Variants in MYL4 observed in about 807,000 individuals in gnomAD.
MYL4 encodes the protein myosin light chain 4.
In MYL4, 16 loss-of-function variants were observed where a neutral mutation model predicts 21.6. The observed-to-expected ratio is 0.74, with a 90% CI of 0.50 to 1.12. The LOEUF is 1.12. Among genes scored for constraint, MYL4 ranks in the 50% most tolerant of loss-of-function variants. MYL4 has a pLI of 0.00. For missense variants in MYL4, 249 were observed against 252.9 expected, an observed-to-expected ratio of 0.98 and a Z score of 0.11; for synonymous variants, 82 against 95.7, an observed-to-expected ratio of 0.86 and a Z score of 0.83.
At chr17:47,221,651 A>T in intron 3 of MYL4, 31 bp from the exon 4 acceptor site, 1 of 1,595,644 alleles carries the variant, frequency 6.3e-7, no homozygotes, top group East Asian at 2.2e-5. Flanking sequence ...GCTCACATTG[A>T]TTTCTCTTTC....
intron 2 of MYL4, 33 bp downstream of exon 2, chr17:47,213,859 A>G: frequency 6.2e-7 from 1 of 1,610,726 alleles, no homozygotes; most frequent in Non-Finnish European, 8.5e-7. Context: ...CTCCGTCTCT[A>G]TTGCACTTTC....
In MYL4 at chr17:47,209,401, C is replaced by T; in HGVS notation, c.-22C>T. 6.2e-7 allele frequency: 1 copy of T among 1,614,164 alleles called. No homozygotes were observed. The highest frequency in any genetic ancestry group is 1.1e-5 in the South Asian group (1 of 91,086). On this transcript the variant is annotated 5_prime_UTR_variant, in exon 1 of 7. Transcript: ENST00000393450. ...GGTTTCTTCTTAGATCACTCCTCTG[C>T]CAAAGATCCCAACAAGACAACATGG... is the stretch of plus-strand genomic sequence containing the variant.
upstream of MYL4, among the ~76,000 whole-genome samples, chr17:47,198,048 G>A (rs1339470726): frequency 2.6e-5 from 4 of 152,154 alleles, no homozygotes; most frequent in Non-Finnish European, 5.9e-5. Flanking sequence ...CATGAGACCA[G>A]AATTTGAAAA....
intron 2 of MYL4, among the ~76,000 whole-genome samples, chr17:47,219,027 A>G (rs1476874329): frequency 6.6e-6 from 1 of 152,148 alleles, no homozygotes; most frequent in African/African-American, 2.4e-5. Flanking sequence ...TTGTGATCCC[A>G]CCTGCAACCC....
rs957196759 is a variant in MYL4, at chr17:47,209,445, C to T, written c.23C>T (p.Pro8Leu). MAPKKPEPKKEAAKPAPA... is the reference protein window; with the variant it reads MAPKKPELKKEAAKPAPA... ...AACATGGCTCCCAAGAAGCCTGAGC[C>T]TAAGAAGGAGGCAGCCAAGCCAGCT... is the stretch of plus-strand genomic sequence containing the variant. The change falls in exon 1 of 7, where the codon CCT becomes CTT. Residue 8 changes from proline to leucine, a missense_variant. By Grantham distance (98) the Pro-to-Leu change is moderately conservative. Coordinates refer to ENST00000393450, the MANE Select transcript of MYL4 (RefSeq NM_002476.2). 8.7e-6 allele frequency: 14 copies of T among 1,614,082 alleles called. No individual in the cohort carries two copies. The highest frequency in any genetic ancestry group is 1.2e-5 in the Non-Finnish European group (14 of 1,180,038).
intron 1 of MYL4, among the ~76,000 whole-genome samples, chr17:47,202,699 A>G (rs1274715573): frequency 6.6e-6 from 1 of 150,826 alleles, no homozygotes; most frequent in Admixed American, 6.6e-5. Context: ...TGAAAAAGCA[A>G]CTCTAAATTT....
chr17:47,224,855 G>T (rs968231180), downstream of MYL4, among the ~76,000 whole-genome samples: 3 of 152,080 alleles, frequency 2.0e-5, no homozygotes, highest in Non-Finnish European at 4.4e-5. Context: ...AAAGAGTCAG[G>T]GTCAGAGGTC....
At chr17:47,201,219 G>A (rs1179409405) in intron 1 of MYL4, among the ~76,000 whole-genome samples, 1 of 152,064 alleles carries the variant, frequency 6.6e-6, no homozygotes, top group Non-Finnish European at 1.5e-5. Context: ...GTTTTACTGT[G>A]GTCCTTGAAC....
intron 2 of MYL4, among the ~76,000 whole-genome samples, chr17:47,217,319 G>A (rs991765704): frequency 2.2e-4 from 33 of 152,150 alleles, no homozygotes; most frequent in African/African-American, 7.7e-4. Context: ...TTAGCTGGGG[G>A]TGGTGGCACG....
the MYL4 span, among the ~76,000 whole-genome samples, chr17:47,189,826 A>G: frequency 6.6e-6 from 1 of 152,258 alleles, no homozygotes; most frequent in Non-Finnish European, 1.5e-5. Flanking sequence ...CCCCAAAGAC[A>G]TAGGATAGCT....
rs142779990 is a variant in MYL4, at chr17:47,221,278, G to A, written c.314-404G>A. 3.0e-3 allele frequency among the ~76,000 whole-genome samples: 464 copies of A among 152,270 alleles called. 1 individual carries two copies. The highest frequency in any genetic ancestry group is 4.9e-3 in the Non-Finnish European group (332 of 68,018). ...TTTTCAATCCTGTTGGTTTGCCCCT[G>A]TGATTATAGGTCTGTCACGTCAAGG... On this transcript the variant is annotated intron_variant, in intron 3 of 6. Transcript: ENST00000393450.
intron 1 of MYL4, among the ~76,000 whole-genome samples, chr17:47,202,296 T>A (rs1009286312): frequency 6.6e-6 from 1 of 152,220 alleles, no homozygotes; most frequent in Non-Finnish European, 1.5e-5. Flanking sequence ...CACATTCTTT[T>A]TTTGTACTTC....
upstream of MYL4, chr17:47,209,196 G>C: frequency 1.5e-6 from 1 of 656,510 alleles, no homozygotes; most frequent in Non-Finnish European, 2.7e-6. Context: ...GGGGCTGGTG[G>C]CCCCAAACCT....
upstream of MYL4, among the ~76,000 whole-genome samples, chr17:47,204,592 T>G (rs1232452281): frequency 6.6e-6 from 1 of 152,028 alleles, no homozygotes; most frequent in African/African-American, 2.4e-5. Context: ...AGTAGCCAGG[T>G]GTGGTAGGGT....
intron 1 of MYL4, among the ~76,000 whole-genome samples, chr17:47,210,606 G>C (rs533313544): frequency 2.4e-4 from 36 of 152,194 alleles, no homozygotes; most frequent in Admixed American, 5.9e-4. Context: ...GTGACAAGCA[G>C]GCAGGGAAAT....
chr17:47,216,108 T>C (rs1000742671), intron 2 of MYL4, among the ~76,000 whole-genome samples: 2 of 151,882 alleles, frequency 1.3e-5, no homozygotes, highest in African/African-American at 4.8e-5. Context: ...TTTTTTTTTT[T>C]TTCCCCCTCA....
At chr17:47,216,551 A>C (rs1222316263) in intron 2 of MYL4, among the ~76,000 whole-genome samples, 3 of 152,134 alleles carry the variant, frequency 2.0e-5, no homozygotes, top group African/African-American at 7.2e-5. Flanking sequence ...TTTTTCATAA[A>C]GATTAATAAA....
At chr17:47,190,239 A>G in the MYL4 span, among the ~76,000 whole-genome samples, 180 of 152,270 alleles carry the variant, frequency 1.2e-3, no homozygotes, top group African/African-American at 4.2e-3. Context: ...AGCACTAACT[A>G]GTCATAGGTC....
chr17:47,189,987 T>A, the MYL4 span, among the ~76,000 whole-genome samples: 1 of 152,106 alleles, frequency 6.6e-6, no homozygotes, highest in East Asian at 1.9e-4. Context: ...AAAAAAAGTT[T>A]AAAATGGAGT....
Sources: allele counts gnomAD v4.1 joint callset (sites outside exome capture counted in the v4.1 genomes callset), GRCh38; gene constraint gnomAD v4.1.1; transcripts MANE v1.5; gene names NCBI Gene and HGNC (gene_info 2026-07-23, HGNC 2026-07-21).